Variants in DDX53 observed in about 807,000 individuals in gnomAD.
DDX53 encodes the protein DEAD box protein 53.
For synonymous variants in DDX53, 179 were observed against 170.8 expected (o/e 1.05, Z -0.37); for missense variants, 481 against 485.1 (o/e 0.99, Z 0.08).
chrX:23,002,049 A>G lies in DDX53; in HGVS notation c.*96A>G. ...GTATTGGAAACATACTAGCCATTTG[A>G]AGACATAACTAATTCTTAAATAATA... On this transcript the variant is annotated 3_prime_UTR_variant, in exon 1 of 1. Transcript: ENST00000327968. 1.5e-6 allele frequency: 1 copy of G among 684,031 alleles called. No individual in the cohort carries two copies. Among genetic ancestry groups the G allele is most frequent in the South Asian group, 4.1e-5 (1 of 24,553 alleles). 56.4% of individuals were successfully genotyped at this position (684,031 alleles called of 1,213,427 possible). A position where few individuals can be genotyped will look rare whatever the true frequency, so the allele number is the denominator to read the frequency against.
Position 23,000,568 on chromosome X carries a change from C to T in DDX53, c.511C>T (p.Leu171=), listed in dbSNP as rs371123083. 4.1e-6 allele frequency: 5 copies of T among 1,209,360 alleles called. No homozygotes were observed. Among genetic ancestry groups the T allele is most frequent in the African/African-American group, 1.8e-5 (1 of 57,029 alleles). Residue 171 remains leucine, a synonymous_variant, in exon 1 of 1, where the codon CTA becomes TTA. Transcript: ENST00000327968. ...VECEKRKWAD[L]PPVKKNFYIE... ...GTGCGAAAAGAGAAAATGGGCAGAT[C>T]TACCACCAGTTAAGAAAAACTTTTA... is the stretch of plus-strand genomic sequence containing the variant.
At position 23,000,861 on chromosome X, in the gene DDX53, C is replaced by T. The variant is rs769941130; in HGVS notation, c.804C>T (p.Thr268=). 3 of 1,211,101 alleles carry T rather than the reference C, an allele frequency of 2.5e-6. No individual in the cohort carries two copies. The highest frequency in any genetic ancestry group is 3.0e-5 in the East Asian group (1 of 33,809). Residue 268 remains threonine, a synonymous_variant, in exon 1 of 1, where the codon ACC becomes ACT. Coordinates refer to ENST00000327968, the MANE Select transcript of DDX53 (RefSeq NM_182699.4). ...TAGATCTTATAGTAGTTGCACAAAC[C>T]GGAACAGGGAAAACATTGTCCTATC... ...QGIDLIVVAQ[T]GTGKTLSYLM...
At position 23,000,489 on chromosome X, in the gene DDX53, T is replaced by C. The variant is rs1197427300; in HGVS notation, c.432T>C (p.Val144=). 8.3e-7 allele frequency: 1 copy of C among 1,211,766 alleles called. No homozygotes were observed. Among genetic ancestry groups the C allele is most frequent in the Admixed American group, 2.2e-5 (1 of 46,046 alleles). ...GAAATCTAGGCAGAAATGACATTGTTGGAGAAGCTGAGCCATTGTCAAATT... is the reference window on the plus strand; with the variant it reads ...GAAATCTAGGCAGAAATGACATTGTCGGAGAAGCTGAGCCATTGTCAAATT... ...IGRNLGRNDI[V]GEAEPLSNWD... Residue 144 remains valine, a synonymous_variant, in exon 1 of 1, where the codon GTT becomes GTC. Transcript: ENST00000327968.
Position 23,003,081 on chromosome X carries a change from A to G in DDX53, c.*1128A>G, listed in dbSNP as rs1422826489. On this transcript the variant is annotated 3_prime_UTR_variant, in exon 1 of 1. Transcript: ENST00000327968. The stretch of plus-strand genomic sequence containing the variant: ...TGTCTTCTCTAAAACACTTGGTAGA[A>G]GACAACAATGGTGCTTTTCTGGCTT... 1 of 123,783 alleles carries G rather than the reference A, an allele frequency of 8.1e-6. No individual in the cohort carries two copies. Among genetic ancestry groups the G allele is most frequent in the Non-Finnish European group, 1.9e-5 (1 of 53,405 alleles). The allele number at this position is 123,783 out of a possible 1,213,427, so 10.2% of individuals were successfully genotyped here.
chrX:23,002,435 C>A lies in DDX53; in HGVS notation c.*482C>A, dbSNP rs1458444525. On this transcript the variant is annotated 3_prime_UTR_variant, in exon 1 of 1. Transcript: ENST00000327968. The stretch of plus-strand genomic sequence containing the variant: ...TATTTGTGAAGGTTTGTTAAAGAAA[C>A]ACGTGTCATGGGGGTTTATCAACTT... 4 of 123,813 alleles carry A rather than the reference C, an allele frequency of 3.2e-5. No individual in the cohort carries two copies. The highest frequency in any genetic ancestry group is 7.5e-5 in the Non-Finnish European group (4 of 53,196). 10.2% of individuals were successfully genotyped at this position (123,813 alleles called of 1,213,427 possible).
rs1054577797 is a variant in DDX53, at chrX:23,002,725, A to C, written c.*772A>C. On this transcript the variant is annotated 3_prime_UTR_variant, in exon 1 of 1. Transcript: ENST00000327968. ...GTGAGAGACTATGTGAAGAGAAAGT[A>C]AATGTTATGTGTTGGTTAAAGTTTA... 4.2e-5 allele frequency: 5 copies of C among 119,397 alleles called. No homozygotes were observed. Among genetic ancestry groups the C allele is most frequent in the African/African-American group, 1.7e-4 (5 of 29,185 alleles). The allele number at this position is 119,397 out of a possible 1,213,427, so 9.8% of individuals were successfully genotyped here.
At position 23,002,077 on chromosome X, in the gene DDX53, G is replaced by A; in HGVS notation, c.*124G>A. 2 of 537,204 alleles carry A rather than the reference G, an allele frequency of 3.7e-6. No homozygotes were observed. Among genetic ancestry groups the A allele is most frequent in the Non-Finnish European group, 5.5e-6 (2 of 361,507 alleles). 44.3% of individuals were successfully genotyped at this position (537,204 alleles called of 1,213,427 possible). ...ACATAACTAATTCTTAAATAATACT[G>A]CTAAACTTTCAATATTGTGTATGCT... On this transcript the variant is annotated 3_prime_UTR_variant, in exon 1 of 1. Transcript: ENST00000327968.
Position 23,000,233 on chromosome X carries a change from T to C in DDX53, c.176T>C (p.Met59Thr), listed in dbSNP as rs766544533. The change falls in exon 1 of 1, where the codon ATG becomes ACG. Residue 59 changes from methionine (M) to threonine (T), a missense_variant. Coordinates refer to ENST00000327968, the MANE Select transcript of DDX53 (RefSeq NM_182699.4). ...CTCTGCTTTAAAATAAAGAACAATA[T>C]GGTTGGTGTGGTCATTGGTTACAGT... ...PPLCFKIKNN[M>T]VGVVIGYSGS... 98 of 1,187,037 alleles carry C rather than the reference T, an allele frequency of 8.3e-5. No individual in the cohort carries two copies. Among genetic ancestry groups the C allele is most frequent in the Non-Finnish European group, 1.1e-4 (93 of 884,292 alleles).
rs751629687 is a variant in DDX53, at chrX:23,001,603, G to A, written c.1546G>A (p.Gly516Arg). ...QERAVEDFKS[G>R]NIKILITTDI... ...GCGAGCAGTAGAGGACTTTAAAAGCGGAAACATAAAGATACTGATTACAAC... is the reference window on the plus strand; with the variant it reads ...GCGAGCAGTAGAGGACTTTAAAAGCAGAAACATAAAGATACTGATTACAAC... Residue 516 changes from glycine (G) to arginine (R), a missense_variant, in exon 1 of 1, where the codon GGA (glycine) becomes AGA (arginine). Coordinates refer to ENST00000327968, the MANE Select transcript of DDX53 (RefSeq NM_182699.4). 8.3e-6 allele frequency: 10 copies of A among 1,208,953 alleles called. No homozygotes were observed. The highest frequency in any genetic ancestry group is 3.5e-5 in the African/African-American group (2 of 57,181).
rs1273666977 is a variant in DDX53, at chrX:23,002,793, G to A, written c.*840G>A. 8.1e-6 allele frequency: 1 copy of A among 123,223 alleles called. No homozygotes were observed. Among genetic ancestry groups the A allele is most frequent in the Non-Finnish European group, 1.9e-5 (1 of 53,254 alleles). 10.2% of individuals were successfully genotyped at this position (123,223 alleles called of 1,213,427 possible). A position where few individuals can be genotyped will look rare whatever the true frequency, so the allele number is the denominator to read the frequency against. On this transcript the variant is annotated 3_prime_UTR_variant, in exon 1 of 1. Transcript: ENST00000327968. ...TTTTATTTTAGGTTTGGGGGTATAT[G>A]TGAAGGTTTGTTAAAGAAACACGTG...
chrX:23,000,558 A>C lies in DDX53; in HGVS notation c.501A>C (p.Lys167Asn). The C allele has an allele frequency of 2.5e-6, 3 of 1,211,492 alleles. No homozygotes were observed. The highest frequency in any genetic ancestry group is 3.4e-6 in the Non-Finnish European group (3 of 895,421). ...RAAVVECEKRKWADLPPVKKN... is the reference protein window; with the variant it reads ...RAAVVECEKRNWADLPPVKKN... ...CAGTCGTGGAGTGCGAAAAGAGAAA[A>C]TGGGCAGATCTACCACCAGTTAAGA... Residue 167 changes from lysine (K) to asparagine (N), a missense_variant, in exon 1 of 1, where the codon AAA becomes AAC. Coordinates refer to ENST00000327968, the MANE Select transcript of DDX53 (RefSeq NM_182699.4).
rs1268013705 is a variant in DDX53 at position 23,003,142 on chromosome X, G to C, written c.*1189G>C. The C allele has an allele frequency of 8.1e-6, 1 of 123,971 alleles. No homozygotes were observed. Among genetic ancestry groups the C allele is most frequent in the Non-Finnish European group, 1.9e-5 (1 of 53,422 alleles). 10.2% of individuals were successfully genotyped at this position (123,971 alleles called of 1,213,427 possible). ...GTACTAAATTGAAGCATAGCTTCAA[G>C]CTTATCCAGTCAAAGTATTCTCTTT... On this transcript the variant is annotated 3_prime_UTR_variant, in exon 1 of 1. Transcript: ENST00000327968.
chrX:23,001,108 G>C lies in DDX53; in HGVS notation c.1051G>C (p.Ala351Pro). 1 of 1,209,600 alleles carries C rather than the reference G, an allele frequency of 8.3e-7. No homozygotes were observed. The highest frequency in any genetic ancestry group is 1.1e-6 in the Non-Finnish European group (1 of 894,583). ...DISKGVDIII[A>P]TPGRLNDLQM... is the part of the protein sequence containing the mutation. The stretch of plus-strand genomic sequence containing the variant: ...TAGCAAAGGTGTAGATATCATTATT[G>C]CAACTCCTGGGAGGCTGAATGACCT... The change falls in exon 1 of 1, where the codon GCA (alanine) becomes CCA (proline). Residue 351 changes from alanine to proline, a missense_variant. Coordinates refer to ENST00000327968, the MANE Select transcript of DDX53 (RefSeq NM_182699.4).
In DDX53 at chrX:23,001,740, A is replaced by G; in HGVS notation, c.1683A>G (p.Thr561=). 1 of 1,211,381 alleles carries G rather than the reference A, an allele frequency of 8.3e-7. No individual in the cohort carries two copies. Among genetic ancestry groups the G allele is most frequent in the African/African-American group, 1.7e-5 (1 of 57,898 alleles). ...YVHRVGYIGR[T]GKTGTSVTLI... Reference sequence around the variant, plus strand: ...ACAGAGTAGGGTACATTGGACGGACAGGAAAGACTGGCACATCAGTTACCC... The same window carrying G: ...ACAGAGTAGGGTACATTGGACGGACGGGAAAGACTGGCACATCAGTTACCC... The change falls in exon 1 of 1, where the codon ACA becomes ACG. Residue 561 remains threonine, a synonymous_variant. Transcript: ENST00000327968.
Position 23,001,169 on chromosome X carries a change from C to T in DDX53, c.1112C>T (p.Thr371Ile), listed in dbSNP as rs753986872. ...MNNSVNLRSI[T>I]YLVIDEADKM... ...AACTCTGTCAACCTAAGAAGCATAA[C>T]CTACTTGGTTATAGATGAGGCAGAT... Residue 371 changes from threonine to isoleucine, a missense_variant, in exon 1 of 1, where the codon ACC becomes ATC. Coordinates refer to ENST00000327968, the MANE Select transcript of DDX53 (RefSeq NM_182699.4). 2.5e-6 allele frequency: 3 copies of T among 1,209,774 alleles called. No individual in the cohort carries two copies. The African/African-American group carries it at 5.2e-5, about 21-fold the overall frequency.
At position 23,000,870 on chromosome X, in the gene DDX53, G is replaced by A. The variant is rs773416651; in HGVS notation, c.813G>A (p.Gly271=). The A allele has an allele frequency of 2.9e-5, 35 of 1,209,526 alleles. No homozygotes were observed. The highest frequency in any genetic ancestry group is 2.3e-4 in the Middle Eastern group (1 of 4,372). Reference sequence around the variant, plus strand: ...TAGTAGTTGCACAAACCGGAACAGGGAAAACATTGTCCTATCTAATGCCTG... The same window carrying A: ...TAGTAGTTGCACAAACCGGAACAGGAAAAACATTGTCCTATCTAATGCCTG... ...DLIVVAQTGT[G]KTLSYLMPGF... Residue 271 remains glycine (G), a synonymous_variant, in exon 1 of 1, where the codon GGG becomes GGA. Transcript: ENST00000327968.
At position 23,000,565 on chromosome X, in the gene DDX53, G is replaced by T. The variant is rs776571295; in HGVS notation, c.508G>T (p.Asp170Tyr). The change falls in exon 1 of 1, where the codon GAT becomes TAT. Residue 170 changes from aspartate (D) to tyrosine (Y), a missense_variant. By Grantham distance (160) the Asp-to-Tyr change is radical. Transcript: ENST00000327968. Reference protein sequence around the residue: ...VVECEKRKWADLPPVKKNFYI... With the variant: ...VVECEKRKWAYLPPVKKNFYI... ...GGAGTGCGAAAAGAGAAAATGGGCA[G>T]ATCTACCACCAGTTAAGAAAAACTT... The T allele has an allele frequency of 1.7e-6, 2 of 1,209,203 alleles. No homozygotes were observed. Among genetic ancestry groups the T allele is most frequent in the South Asian group, 3.5e-5 (2 of 56,627 alleles).
Position 23,001,339 on chromosome X carries a change from G to A in DDX53, c.1282G>A (p.Val428Ile). Residue 428 changes from valine (V) to isoleucine (I), a missense_variant, in exon 1 of 1, where the codon GTT becomes ATT. By Grantham distance (29) the Val-to-Ile change is conservative. Coordinates refer to ENST00000327968, the MANE Select transcript of DDX53 (RefSeq NM_182699.4). Reference sequence around the variant, plus strand: ...TTCTTATTTGAAAGATCCTATGATTGTTTATGTTGGTAATCTGAATCTAGT... The same window carrying A: ...TTCTTATTTGAAAGATCCTATGATTATTTATGTTGGTAATCTGAATCTAGT... ...ALSYLKDPMIVYVGNLNLVAV... is the reference protein window; with the variant it reads ...ALSYLKDPMIIYVGNLNLVAV... 9.9e-6 allele frequency: 12 copies of A among 1,211,276 alleles called. No individual in the cohort carries two copies. Among genetic ancestry groups the A allele is most frequent in the Non-Finnish European group, 1.2e-5 (11 of 895,140 alleles).
chrX:23,000,319 G>A lies in DDX53; in HGVS notation c.262G>A (p.Glu88Lys). The change falls in exon 1 of 1, where the codon GAA becomes AAA. Residue 88 changes from glutamate (E) to lysine (K), a missense_variant. Physicochemically the swap from Glu to Lys is moderately conservative, Grantham distance 56. Coordinates refer to ENST00000327968, the MANE Select transcript of DDX53 (RefSeq NM_182699.4). ...CACTAAAATACAGATCATAAACGGG[G>A]AATCTGAAGCAAAAGTCAGAATTTT... ...TNTKIQIING[E>K]SEAKVRIFGN... 1 of 1,207,491 alleles carries A rather than the reference G, an allele frequency of 8.3e-7. No homozygotes were observed. The highest frequency in any genetic ancestry group is 1.8e-5 in the South Asian group (1 of 55,780).
Sources: gnomAD v4.1 joint callset for allele counts on GRCh38, gnomAD v4.1.1 for gene constraint, MANE v1.5 for transcripts, NCBI Gene and HGNC (gene_info 2026-07-23, HGNC 2026-07-21) for gene names.